CACNA1G: variants seen among roughly 807,000 people sequenced by gnomAD.
CACNA1G encodes calcium voltage-gated channel subunit alpha1 G.
In CACNA1G, 67 loss-of-function variants were observed where a neutral mutation model predicts 219.4. The observed-to-expected ratio is 0.31, with a 90% CI of 0.25 to 0.37. The LOEUF is 0.37. Among genes scored for constraint, CACNA1G ranks in the 10% least tolerant of loss-of-function variants. The pLI is 1.00. For missense variants in CACNA1G, 2,380 were observed against 3,231.4 expected, an observed-to-expected ratio of 0.74 and a Z score of 6.39; for synonymous variants, 1,296 against 1,345.3, an observed-to-expected ratio of 0.96 and a Z score of 0.80.
rs190482649 is a variant in CACNA1G, at chr17:50,565,727, C to T, written c.243-3143C>T. 8.4e-4 allele frequency among the ~76,000 whole-genome samples: 128 copies of T among 152,310 alleles called. 1 individual carries two copies. The highest frequency in any genetic ancestry group is 2.8e-3 in the African/African-American group (117 of 41,556). On this transcript the variant is annotated intron_variant, in intron 1 of 37. Coordinates refer to ENST00000359106, the MANE Select transcript of CACNA1G (RefSeq NM_018896.5). ...CCCCCTCCTCTCCCTACTTTCCTCA[C>T]CCTTGCGGCTGCCAGGCTAAGCAAG... is the stretch of plus-strand genomic sequence containing the variant.
At position 50,621,714 on chromosome 17, in the gene CACNA1G, C is replaced by A; in HGVS notation, c.5980C>A (p.Pro1994Thr). ...LSLTSEIVSE[P>T]SCSLALTDDS... ...TCTGACGTCAGAGATTGTGTCTGAA[C>A]CGTCCTGCTCTCTAGCTCTGACGGA... is the stretch of plus-strand genomic sequence containing the variant. Residue 1994 changes from proline to threonine, a missense_variant, in exon 35 of 38, where the codon CCG (proline) becomes ACG (threonine). By Grantham distance (38) the Pro-to-Thr change is conservative. Transcript: ENST00000359106. The surrounding 1 kb of genome is among the most constrained non-coding windows in gnomAD (Gnocchi z 4.6). 4 of 1,613,940 alleles carry A rather than the reference C, an allele frequency of 2.5e-6. No individual in the cohort carries two copies. Among genetic ancestry groups the A allele is most frequent in the Non-Finnish European group, 3.4e-6 (4 of 1,179,790 alleles).
chr17:50,613,777 G>T (rs948547684), intron 26 of CACNA1G, among the ~76,000 whole-genome samples: 1 of 152,230 alleles, frequency 6.6e-6, no homozygotes, highest in Non-Finnish European at 1.5e-5. Flanking sequence ...GGCGACTAGC[G>T]CCCTCTGGTT....
At position 50,626,558 on chromosome 17, in the gene CACNA1G, A is replaced by AC. The variant is rs766047428; in HGVS notation, c.6948dup (p.Glu2317ArgfsTer34). 1.6e-5 allele frequency: 26 copies of AC among 1,581,532 alleles called. No homozygotes were observed. Among genetic ancestry groups the AC allele is most frequent in the East Asian group, 2.3e-5 (1 of 43,902 alleles). ...CTCAGCCCGCCTAGTATCACCATAGACCCCCCCGAGAGCCAAGGTCCTCGG... is the reference window on the plus strand; with the variant it reads ...CTCAGCCCGCCTAGTATCACCATAGACCCCCCCCGAGAGCCAAGGTCCTCGG... On this transcript the variant is annotated frameshift_variant, in exon 38 of 38. Coordinates refer to ENST00000359106, the MANE Select transcript of CACNA1G (RefSeq NM_018896.5). LOFTEE classifies it high-confidence loss of function. The surrounding 1 kb of genome is among the most constrained non-coding windows in gnomAD (Gnocchi z 4.3).
chr17:50,619,934 T>C, intron 34 of CACNA1G, 108 bp downstream of exon 34: 1 of 1,164,208 alleles, frequency 8.6e-7, no homozygotes, highest in Non-Finnish European at 1.2e-6. Context: ...TGGGTATCTG[T>C]AGAAAGTGCA....
intron 7 of CACNA1G, among the ~76,000 whole-genome samples, chr17:50,575,131 C>T (rs1440491269): frequency 1.3e-5 from 2 of 152,190 alleles, no homozygotes; most frequent in South Asian, 2.1e-4. Context: ...CCTAATATTG[C>T]GTTCATTTCC....
chr17:50,618,461 A>G lies in CACNA1G; in HGVS notation c.5427+118A>G. 7.1e-7 allele frequency: 1 copy of G among 1,400,082 alleles called. No homozygotes were observed. The highest frequency in any genetic ancestry group is 9.9e-7 in the Non-Finnish European group (1 of 1,010,106). The allele number at this position is 1,400,082 out of a possible 1,614,324, so 86.7% of individuals were successfully genotyped here. ...CATGTGACCTTCTCTCCCCCGTGCTAGAACACTCTGGAACTCCCTCTCCCA... is the reference window on the plus strand; with the variant it reads ...CATGTGACCTTCTCTCCCCCGTGCTGGAACACTCTGGAACTCCCTCTCCCA... On this transcript the variant is annotated intron_variant, in intron 32 of 37. Transcript: ENST00000359106. This position sits in a 1 kb window ranked among gnomAD's most constrained non-coding sequence, Gnocchi z 5.3.
At chr17:50,619,031 C>T (rs896497845) in intron 33 of CACNA1G, 23 bp downstream of exon 33, 12 of 1,482,676 alleles carry the variant, frequency 8.1e-6, no homozygotes, top group South Asian at 6.8e-5. Context: ...CCACCCCAGC[C>T]GTGAGAGGAG....
intron 26 of CACNA1G, among the ~76,000 whole-genome samples, chr17:50,613,926 G>C (rs1033397063): frequency 2.6e-5 from 4 of 152,106 alleles, no homozygotes; most frequent in African/African-American, 9.7e-5. Flanking sequence ...CTCTGTTCTC[G>C]AACAAACAGA....
At chr17:50,615,575 G>T in intron 27 of CACNA1G, 63 bp downstream of exon 27, 1 of 1,564,032 alleles carries the variant, frequency 6.4e-7, no homozygotes, top group Non-Finnish European at 8.7e-7. Flanking sequence ...TCTGGGCAAG[G>T]TTAACACAGC....
At position 50,568,862 on chromosome 17, in the gene CACNA1G, GC is replaced by G; in HGVS notation, c.243-6del. 1 of 1,611,694 alleles carries G rather than the reference GC, an allele frequency of 6.2e-7. No homozygotes were observed. ...GCCTTGGCCAGCTGTTTCCTTGACT[GC>G]CAGTACCTGGTTTGAGCGCATCAGC... is the stretch of plus-strand genomic sequence containing the variant. On this transcript the variant is annotated splice_region_variant and splice_polypyrimidine_tract_variant and intron_variant, in intron 1 of 37. Transcript: ENST00000359106.
intron 1 of CACNA1G, among the ~76,000 whole-genome samples, chr17:50,564,955 C>G (rs1377817368): frequency 6.6e-6 from 1 of 152,142 alleles, no homozygotes; most frequent in African/African-American, 2.4e-5. Context: ...CTCCACCGCT[C>G]TGCTGGGGGA....
chr17:50,599,848 G>A lies in CACNA1G; in HGVS notation c.3679G>A (p.Glu1227Lys), dbSNP rs60039322. The change falls in exon 17 of 38, where the codon GAG (glutamate) becomes AAG (lysine). Residue 1227 changes from glutamate (E) to lysine (K), a missense_variant. Physicochemically the swap from Glu to Lys is moderately conservative, Grantham distance 56. Transcript: ENST00000359106. Reference sequence around the variant, plus strand: ...ACTGGATGGGGATGACGCCGATGACGAGGGCAACCTGGTGAGGCCCCTGTG... The same window carrying A: ...ACTGGATGGGGATGACGCCGATGACAAGGGCAACCTGGTGAGGCCCCTGTG... ...PPLDGDDADD[E>K]GNLSKGERVR... 19 of 1,606,702 alleles carry A rather than the reference G, an allele frequency of 1.2e-5. No individual in the cohort carries two copies. Among genetic ancestry groups the A allele is most frequent in the African/African-American group, 4.0e-5 (3 of 74,934 alleles).
Position 50,600,673 on chromosome 17 carries a change from G to A in CACNA1G, c.3691-53G>A. The A allele has an allele frequency of 6.0e-6, 9 of 1,491,768 alleles. No homozygotes were observed. Among genetic ancestry groups the A allele is most frequent in the Non-Finnish European group, 8.4e-6 (9 of 1,069,802 alleles). 92.4% of individuals were successfully genotyped at this position (1,491,768 alleles called of 1,614,324 possible). A position where few individuals can be genotyped will look rare whatever the true frequency, so the allele number is the denominator to read the frequency against. On this transcript the variant is annotated intron_variant, in intron 17 of 37. Coordinates refer to ENST00000359106, the MANE Select transcript of CACNA1G (RefSeq NM_018896.5). The surrounding 1 kb of genome is among the most constrained non-coding windows in gnomAD (Gnocchi z 4.1). Reference sequence around the variant, plus strand: ...TCGTGACTCTGCTGAGGAGCCAGGAGCCGGGGAACCTGGAGGCCTGGTCCT... The same window carrying A: ...TCGTGACTCTGCTGAGGAGCCAGGAACCGGGGAACCTGGAGGCCTGGTCCT...
Position 50,621,160 on chromosome 17 carries a change from A to G in CACNA1G, c.5926-500A>G, listed in dbSNP as rs949106109. Among the ~76,000 whole-genome samples, 1 of 152,140 alleles carries G rather than the reference A, an allele frequency of 6.6e-6. No homozygotes were observed. The highest frequency in any genetic ancestry group is 1.5e-5 in the Non-Finnish European group (1 of 68,012). The stretch of plus-strand genomic sequence containing the variant: ...CTGCCAGGCTGTTGGAAGCCGAGAG[A>G]ATAGGCAGAAAACAGCCGTCAGATT... On this transcript the variant is annotated intron_variant, in intron 34 of 37. Transcript: ENST00000359106. The surrounding 1 kb of genome is among the most constrained non-coding windows in gnomAD (Gnocchi z 4.6).
At chr17:50,595,165 C>A in intron 14 of CACNA1G, 104 bp downstream of exon 14, 1 of 833,356 alleles carries the variant, frequency 1.2e-6, no homozygotes, top group Non-Finnish European at 1.9e-6. Flanking sequence ...CGCTGCTGTG[C>A]AACCTGTCAT....
intron 1 of CACNA1G, among the ~76,000 whole-genome samples, chr17:50,565,334 C>T (rs1291784152): frequency 2.8e-5 from 4 of 144,102 alleles, no homozygotes; most frequent in Non-Finnish European, 4.5e-5. Context: ...TACACCCACG[C>T]ACTGAAGCGT....
chr17:50,618,565 C>T lies in CACNA1G; in HGVS notation c.5428-90C>T. 1 of 1,118,206 alleles carries T rather than the reference C, an allele frequency of 8.9e-7. No homozygotes were observed. Among genetic ancestry groups the T allele is most frequent in the Non-Finnish European group, 1.3e-6 (1 of 762,898 alleles). The allele number at this position is 1,118,206 out of a possible 1,614,324, so 69.3% of individuals were successfully genotyped here. A position where few individuals can be genotyped will look rare whatever the true frequency, so the allele number is the denominator to read the frequency against. Reference sequence around the variant, plus strand: ...CCTCCTCCCCTTCCTTCCCATCCTCCAATGCTCTGTGACACCAGTGACCTG... The same window carrying T: ...CCTCCTCCCCTTCCTTCCCATCCTCTAATGCTCTGTGACACCAGTGACCTG... On this transcript the variant is annotated intron_variant, in intron 32 of 37. Transcript: ENST00000359106. This position sits in a 1 kb window ranked among gnomAD's most constrained non-coding sequence, Gnocchi z 5.3.
At chr17:50,592,777 G>A (rs1338410563) in intron 13 of CACNA1G, among the ~76,000 whole-genome samples, 1 of 152,116 alleles carries the variant, frequency 6.6e-6, no homozygotes, top group Non-Finnish European at 1.5e-5. Context: ...ACCCACCCCA[G>A]CTTGCTGGGG....
intron 13 of CACNA1G, among the ~76,000 whole-genome samples, chr17:50,594,173 C>A (rs566332094): frequency 9.2e-5 from 14 of 152,342 alleles, no homozygotes; most frequent in African/African-American, 2.2e-4. Context: ...AGGGACACAG[C>A]CTGCTTGGCT....
Sources: allele counts gnomAD v4.1 joint callset (sites outside exome capture counted in the v4.1 genomes callset), GRCh38; gene constraint gnomAD v4.1.1; non-coding constraint Gnocchi (gnomAD v3.1); transcripts MANE v1.5; gene names NCBI Gene and HGNC (gene_info 2026-07-23, HGNC 2026-07-21).